Variants in PIEZO2 observed in about 807,000 individuals in gnomAD.
The protein encoded by PIEZO2 is piezo type mechanosensitive ion channel component 2.
Under a neutral mutation model 337.3 loss-of-function variants are expected in PIEZO2, and 172 were observed. The observed-to-expected ratio is 0.51, with a 90% CI of 0.45 to 0.58. The LOEUF (loss-of-function observed/expected upper bound fraction) is 0.58. PIEZO2 is among the 20% of genes least tolerant of loss of function. The pLI is 0.00. For missense variants in PIEZO2, 3,028 were observed against 3,391.3 expected (o/e 0.89, Z 2.66); for synonymous variants, 1,251 against 1,228.5 (o/e 1.02, Z -0.38).
chr18:11,063,035 A>G (rs2038023973), intron 2 of PIEZO2, among the ~76,000 whole-genome samples: 2 of 152,192 alleles, frequency 1.3e-5, no homozygotes, highest in South Asian at 4.1e-4. Context: ...GATAGACTGG[A>G]TTAAGAAAAT....
rs114677769 is a variant in PIEZO2, at chr18:10,854,771, C to T, written c.917+582G>A. 1.3e-5 allele frequency among the ~76,000 whole-genome samples: 2 copies of T among 152,052 alleles called. No individual in the cohort carries two copies. The highest frequency in any genetic ancestry group is 1.9e-4 in the East Asian group (1 of 5,174). ...CTCTGTCACCCAGGTGGGAGTGCAG[C>T]GGTGTGATCATGGCTCACCGCAGTC... On this transcript the variant is annotated intron_variant, in intron 7 of 55. Transcript: ENST00000674853. The surrounding 1 kb of genome is among the most constrained non-coding windows in gnomAD (Gnocchi z 4.6).
rs950041916 is a variant in PIEZO2, at chr18:10,861,047, G to A, written c.493-3836C>T. On this transcript the variant is annotated intron_variant, in intron 5 of 55. Transcript: ENST00000674853. This position sits in a 1 kb window ranked among gnomAD's most constrained non-coding sequence, Gnocchi z 4.3. ...CAGGGCCAGAACTGCCATTAGTCAC[G>A]TCAGGCTGGCTTATTAACAGGCAGG... 2.6e-5 allele frequency among the ~76,000 whole-genome samples: 4 copies of A among 152,206 alleles called. No individual in the cohort carries two copies. Among genetic ancestry groups the A allele is most frequent in the African/African-American group, 4.8e-5 (2 of 41,460 alleles).
chr18:10,673,773 C>T lies in PIEZO2; in HGVS notation c.8162-900G>A, dbSNP rs1354818951. 1.3e-5 allele frequency among the ~76,000 whole-genome samples: 2 copies of T among 152,144 alleles called. No individual in the cohort carries two copies. The highest frequency in any genetic ancestry group is 2.9e-5 in the Non-Finnish European group (2 of 68,026). On this transcript the variant is annotated intron_variant, in intron 54 of 55. Coordinates refer to ENST00000674853, the MANE Select transcript of PIEZO2 (RefSeq NM_001378183.1). The surrounding 1 kb of genome is among the most constrained non-coding windows in gnomAD (Gnocchi z 4.8). ...CTAAACTGTGTGAAGGTGGGAGCAA[C>T]ATCAGCATCATTTCATACTAAATTC...
Position 10,970,144 on chromosome 18 carries a change from C to A in PIEZO2, c.286+9391G>T, listed in dbSNP as rs2034175161. ...TTTGGGAGCCCAAAGACATCTGACC[C>A]CCTCTACCTGGGGGTATTAACTCGG... On this transcript the variant is annotated intron_variant, in intron 3 of 55. Coordinates refer to ENST00000674853, the MANE Select transcript of PIEZO2 (RefSeq NM_001378183.1). Among the ~76,000 whole-genome samples, 3 of 152,286 alleles carry A rather than the reference C, an allele frequency of 2.0e-5. No homozygotes were observed. In the South Asian group the frequency reaches 6.2e-4, roughly 32 times the overall value.
At chr18:10,924,886 T>C (rs1250694490) in intron 3 of PIEZO2, among the ~76,000 whole-genome samples, 1 of 152,222 alleles carries the variant, frequency 6.6e-6, no homozygotes, top group Admixed American at 6.5e-5. Context: ...CAAATAGTAA[T>C]GTTCGCTTGT....
chr18:11,081,775 T>C (rs1442312003), intron 1 of PIEZO2, among the ~76,000 whole-genome samples: 2 of 151,882 alleles, frequency 1.3e-5, no homozygotes, highest in East Asian at 1.9e-4. Context: ...TTTTTTTTTT[T>C]TTGAGATGGA....
At chr18:10,680,847 C>T (rs1405487657) in intron 51 of PIEZO2, among the ~76,000 whole-genome samples, 4 of 152,036 alleles carry the variant, frequency 2.6e-5, no homozygotes, top group Admixed American at 2.0e-4. Flanking sequence ...CCTTCCTATT[C>T]ACTCTCTTAA....
chr18:10,993,207 A>G lies in PIEZO2; in HGVS notation c.161-13547T>C, dbSNP rs1452085903. ...TGACTTCCTCTTTTCCTATTTGAAT[A>G]CGCTTTATTTCCTTCTCTTGCCTGA... On this transcript the variant is annotated intron_variant, in intron 2 of 55. Transcript: ENST00000674853. This position sits in a 1 kb window ranked among gnomAD's most constrained non-coding sequence, Gnocchi z 5.0. 1.3e-5 allele frequency among the ~76,000 whole-genome samples: 2 copies of G among 152,150 alleles called. No individual in the cohort carries two copies. The highest frequency in any genetic ancestry group is 4.8e-5 in the African/African-American group (2 of 41,432).
chr18:10,779,127 C>A (rs2038892756), intron 18 of PIEZO2, among the ~76,000 whole-genome samples: 1 of 152,182 alleles, frequency 6.6e-6, no homozygotes, highest in Non-Finnish European at 1.5e-5. Context: ...TGACAGGCCT[C>A]GTTCATTCCT....
At chr18:10,771,157 T>A (rs2038590113) in intron 20 of PIEZO2, among the ~76,000 whole-genome samples, 1 of 152,142 alleles carries the variant, frequency 6.6e-6, no homozygotes, top group Non-Finnish European at 1.5e-5. Context: ...AAATGGCCTG[T>A]CTCCTTCGAC....
Position 10,906,242 on chromosome 18 carries a change from G to T in PIEZO2, c.329+4944C>A, listed in dbSNP as rs534733655. 3.9e-5 allele frequency among the ~76,000 whole-genome samples: 6 copies of T among 152,294 alleles called. No homozygotes were observed. The East Asian group carries it at 1.2e-3, about 29-fold the overall frequency. ...CAAGATATTTTGTTCCACTATCCAA[G>T]TGGAGCATCAAATAAAATCACATAC... On this transcript the variant is annotated intron_variant, in intron 4 of 55. Coordinates refer to ENST00000674853, the MANE Select transcript of PIEZO2 (RefSeq NM_001378183.1).
Position 11,028,539 on chromosome 18 carries a change from G to T in PIEZO2, c.160+37588C>A, listed in dbSNP as rs371874600. Reference sequence around the variant, plus strand: ...GACTCCCAAAGTGCTGGGATTACAGGTGTGAGCTACCGCACCCAGTCTATA... The same window carrying T: ...GACTCCCAAAGTGCTGGGATTACAGTTGTGAGCTACCGCACCCAGTCTATA... On this transcript the variant is annotated intron_variant, in intron 2 of 55. Transcript: ENST00000674853. This position sits in a 1 kb window ranked among gnomAD's most constrained non-coding sequence, Gnocchi z 4.8. 6.6e-6 allele frequency among the ~76,000 whole-genome samples: 1 copy of T among 152,172 alleles called. No individual in the cohort carries two copies. The highest frequency in any genetic ancestry group is 2.4e-5 in the African/African-American group (1 of 41,444).
chr18:10,921,048 C>T (rs563587873), intron 3 of PIEZO2, among the ~76,000 whole-genome samples: 40 of 152,140 alleles, frequency 2.6e-4, no homozygotes, highest in Middle Eastern at 3.4e-3. Flanking sequence ...GGCGAAACTC[C>T]GTCTCAAAAA....
intron 47 of PIEZO2, among the ~76,000 whole-genome samples, chr18:10,693,207 C>A (rs760210843): frequency 4.6e-5 from 7 of 152,068 alleles, no homozygotes; most frequent in Non-Finnish European, 7.4e-5. Flanking sequence ...TATAAAAATA[C>A]AATTGAGTTT....
At chr18:10,887,057 G>T (rs2144904022) in intron 4 of PIEZO2, among the ~76,000 whole-genome samples, 1 of 141,996 alleles carries the variant, frequency 7.0e-6, no homozygotes, top group East Asian at 2.1e-4. Context: ...GAGTGGGGAG[G>T]TGACACACTT....
Position 10,677,793 on chromosome 18 carries a change from C to A in PIEZO2, c.8035G>T (p.Ala2679Ser), listed in dbSNP as rs200520861. The change falls in exon 53 of 56, where the codon GCT becomes TCT. Residue 2679 changes from alanine (A) to serine (S), a missense_variant. Around this residue, in one of 5 missense-constraint regions of PIEZO2, gnomAD observed 332 missense variants for 363.8 expected, o/e 0.91. Coordinates refer to ENST00000674853, the MANE Select transcript of PIEZO2 (RefSeq NM_001378183.1). This position sits in a 1 kb window ranked among gnomAD's most constrained non-coding sequence, Gnocchi z 4.1. ...GTGCTGTTGCCTGCTATCATTTTAG[C>A]GATATTCTTTCGAGTAATATTTTTA... is the stretch of plus-strand genomic sequence containing the variant. ...PLKNITRKNIAKMIAGNSTES... is the reference protein window; with the variant it reads ...PLKNITRKNISKMIAGNSTES... The A allele has an allele frequency of 6.2e-7, 1 of 1,610,450 alleles. No homozygotes were observed. Among genetic ancestry groups the A allele is most frequent in the Admixed American group, 1.7e-5 (1 of 59,430 alleles).
Position 10,718,210 on chromosome 18 carries a change from G to T in PIEZO2, c.5079C>A (p.Ser1693=), listed in dbSNP as rs145377879. 3 of 1,536,594 alleles carry T rather than the reference G, an allele frequency of 2.0e-6. No homozygotes were observed. The highest frequency in any genetic ancestry group is 3.9e-5 in the Admixed American group (2 of 50,990). The change falls in exon 37 of 56, where the codon TCC becomes TCA. Residue 1693 remains serine (S), a synonymous_variant. Coordinates refer to ENST00000674853, the MANE Select transcript of PIEZO2 (RefSeq NM_001378183.1). ...TCTTTATTTTGTTACCTGGTCCATC[G>T]GATTTCTTTTTGATTGGTTCATCCT... ...DREDEPIKKK[S]DGPDNIIKRI...
chr18:11,001,916 AGGAAG>A lies in PIEZO2; in HGVS notation c.161-22261_161-22257del, dbSNP rs751335187. 3.9e-5 allele frequency among the ~76,000 whole-genome samples: 2 copies of A among 51,452 alleles called. No individual in the cohort carries two copies. Among genetic ancestry groups the A allele is most frequent in the South Asian group, 1.3e-3 (2 of 1,532 alleles). 33.8% of individuals were successfully genotyped at this position (51,452 alleles called of 152,430 possible). On this transcript the variant is annotated intron_variant, in intron 2 of 55. Transcript: ENST00000674853. The surrounding 1 kb of genome is among the most constrained non-coding windows in gnomAD (Gnocchi z 5.3). ...AAGGGAAGGAAGGAAGAAGGAAGGA[AGGAAG>A]GAAGGAAGGAAGGAAGGAAGGAAGG... is the stretch of plus-strand genomic sequence containing the variant.
intron 7 of PIEZO2, among the ~76,000 whole-genome samples, chr18:10,812,282 A>G (rs541758359): frequency 1.1e-4 from 17 of 152,372 alleles, no homozygotes; most frequent in African/African-American, 4.1e-4. Context: ...ATAAAAATTC[A>G]TTCCATGCTT....
Sources: gnomAD v4.1 joint callset for allele counts (sites outside exome capture counted in the v4.1 genomes callset) on GRCh38, gnomAD v4.1.1 for gene constraint, gnomAD v4.1.1 regional missense constraint, Gnocchi (gnomAD v3.1) non-coding constraint, MANE v1.5 for transcripts, NCBI Gene and HGNC (gene_info 2026-07-23, HGNC 2026-07-21) for gene names.